PTPRU: variants seen among roughly 807,000 people sequenced by gnomAD.
The protein encoded by PTPRU is protein tyrosine phosphatase receptor type U, also known as receptor-type tyrosine-protein phosphatase U.
In PTPRU, 69 loss-of-function variants were observed where a neutral mutation model predicts 166.3. The observed-to-expected ratio is 0.41, with a 90% CI of 0.34 to 0.51. The LOEUF is 0.51. Ranked by LOEUF, PTPRU falls within the 20% of genes least tolerant of loss-of-function variation. The pLI is 0.09. For synonymous variants in PTPRU, 793 were observed against 814.0 expected, an observed-to-expected ratio of 0.97 and a Z score of 0.44; for missense variants, 1,657 against 2,013.7, an observed-to-expected ratio of 0.82 and a Z score of 3.39.
At chr1:29,273,341 T>C (rs1189321209) in intron 7 of PTPRU, among the ~76,000 whole-genome samples, 1 of 152,150 alleles carries the variant, frequency 6.6e-6, no homozygotes, top group Non-Finnish European at 1.5e-5. Flanking sequence ...CGATCATGGC[T>C]CACTGCAGCC....
rs997439287 is a variant in PTPRU at position 29,238,074 on chromosome 1, G to A, written c.73+1357G>A. Among the ~76,000 whole-genome samples, 9 of 149,000 alleles carry A rather than the reference G, an allele frequency of 6.0e-5. No homozygotes were observed. Among genetic ancestry groups the A allele is most frequent in the Non-Finnish European group, 1.2e-4 (8 of 67,856 alleles). ...CCGGGACCGCCAGGTGTGTGCTTGA[G>A]TGTGAGCGTGAGTGTGAGCGTGTGG... On this transcript the variant is annotated intron_variant, in intron 1 of 29. Transcript: ENST00000373779. The surrounding 1 kb of genome is among the most constrained non-coding windows in gnomAD (Gnocchi z 6.1).
chr1:29,319,870 G>GCAGGT (rs1159933801), intron 25 of PTPRU, among the ~76,000 whole-genome samples: 2 of 152,072 alleles, frequency 1.3e-5, no homozygotes, highest in African/African-American at 2.4e-5. Context: ...GTGGGGCAGG[G>GCAGGT]CAGGTCACCA....
At chr1:29,278,659 A>G (rs1258584834) in intron 8 of PTPRU, among the ~76,000 whole-genome samples, 1 of 152,200 alleles carries the variant, frequency 6.6e-6, no homozygotes, top group Admixed American at 6.5e-5. Context: ...CCATGTGCAT[A>G]TTTTCTGAAA....
chr1:29,312,623 C>G lies in PTPRU; in HGVS notation c.3144C>G (p.Tyr1048Ter). The change falls in exon 22 of 30, where the codon TAC becomes TAG. Residue 1048 changes from tyrosine (Y) to a stop codon, truncating the protein, a stop_gained. Transcript: ENST00000373779. LOFTEE classifies it high-confidence loss of function. ...CGTGGCCAGAGCATGGCGTCCCCTA[C>G]CATGCCACGGGGCTGCTGGCTTTCA... ...FTAWPEHGVP[Y>*]HATGLLAFIR... The G allele has an allele frequency of 6.2e-7, 1 of 1,611,776 alleles. No homozygotes were observed. Among genetic ancestry groups the G allele is most frequent in the Non-Finnish European group, 8.5e-7 (1 of 1,178,334 alleles).
intron 15 of PTPRU, among the ~76,000 whole-genome samples, chr1:29,299,028 A>G (rs1420926794): frequency 6.6e-6 from 1 of 152,200 alleles, no homozygotes; most frequent in African/African-American, 2.4e-5. Context: ...GGGTGCTACC[A>G]CATTGAATAA....
At chr1:29,283,014 C>G in intron 12 of PTPRU, 65 bp downstream of exon 12, 2 of 1,580,708 alleles carry the variant, frequency 1.3e-6, no homozygotes, top group Non-Finnish European at 8.6e-7. Flanking sequence ...ACAGGAGATA[C>G]CTTGGAGCAG....
At chr1:29,251,543 G>T (rs1684546014) in intron 1 of PTPRU, among the ~76,000 whole-genome samples, 3 of 152,196 alleles carry the variant, frequency 2.0e-5, no homozygotes. Context: ...CACCAACTTG[G>T]ATCAGTCTGG....
intron 1 of PTPRU, among the ~76,000 whole-genome samples, chr1:29,240,137 G>A (rs1003671789): frequency 1.3e-5 from 2 of 152,148 alleles, no homozygotes; most frequent in Admixed American, 6.6e-5. Flanking sequence ...GCTTTTTGCT[G>A]GTGAACTCCT....
At chr1:29,268,468 G>C (rs1685398784) in intron 7 of PTPRU, among the ~76,000 whole-genome samples, 1 of 152,170 alleles carries the variant, frequency 6.6e-6, no homozygotes, top group South Asian at 2.1e-4. Flanking sequence ...ACAATGCACA[G>C]ACAGCCACAT....
chr1:29,275,387 C>G, intron 7 of PTPRU, 61 bp from the exon 8 acceptor site: 1 of 1,467,452 alleles, frequency 6.8e-7, no homozygotes, highest in Non-Finnish European at 9.3e-7. Context: ...TCTCCCTGTT[C>G]TTCTTCCTCT....
chr1:29,254,869 C>T (rs12401971), intron 1 of PTPRU, among the ~76,000 whole-genome samples: 14,206 of 152,226 alleles, frequency 0.093, 947 homozygotes, highest in East Asian at 0.35. Flanking sequence ...CTAATGAAGT[C>T]ACTCAGCCTT....
intron 28 of PTPRU, 56 bp downstream of exon 28, chr1:29,323,844 G>A (rs1431332587): frequency 6.3e-7 from 1 of 1,590,056 alleles, no homozygotes; most frequent in South Asian, 1.1e-5. Flanking sequence ...CAGGGGCAGA[G>A]GTCCAGTCTG....
Position 29,310,777 on chromosome 1 carries a change from C to G in PTPRU, c.2854C>G (p.Gln952Glu). 2 of 1,613,946 alleles carry G rather than the reference C, an allele frequency of 1.2e-6. No homozygotes were observed. The highest frequency in any genetic ancestry group is 1.7e-6 in the Non-Finnish European group (2 of 1,179,840). The change falls in exon 19 of 30, where the codon CAA (glutamine) becomes GAA (glutamate). Residue 952 changes from glutamine to glutamate, a missense_variant. By Grantham distance (29) the Gln-to-Glu change is conservative. Around this residue, in one of 3 missense-constraint regions of PTPRU, gnomAD observed 1,190 missense variants for 1,477.4 expected, o/e 0.81. Transcript: ENST00000373779. Reference protein sequence around the residue: ...YHRSNHFIATQGPKPEMVYDF... With the variant: ...YHRSNHFIATEGPKPEMVYDF... ...CAGGTCAAACCACTTCATAGCCACTCAAGGTACCTGGCACTTCTGCCCACA... is the reference window on the plus strand; with the variant it reads ...CAGGTCAAACCACTTCATAGCCACTGAAGGTACCTGGCACTTCTGCCCACA...
chr1:29,283,771 C>T, intron 12 of PTPRU, 169 bp from the exon 13 acceptor site: 1 of 739,920 alleles, frequency 1.4e-6, no homozygotes, highest in Non-Finnish European at 2.3e-6. Flanking sequence ...CCCTCTAGGC[C>T]CCGCTCTCAA....
At position 29,284,075 on chromosome 1, in the gene PTPRU, G is replaced by A; in HGVS notation, c.2179+99G>A. 6 of 1,496,466 alleles carry A rather than the reference G, an allele frequency of 4.0e-6. No homozygotes were observed. The South Asian group carries it at 5.7e-5, about 14-fold the overall frequency. The allele number at this position is 1,496,466 out of a possible 1,614,324, so 92.7% of individuals were successfully genotyped here. ...GAGGACCTACGGCTGTGGGAGTAGA[G>A]GAGGGTGGTTGGGCAGTCCTGGGGC... On this transcript the variant is annotated intron_variant, in intron 13 of 29. Coordinates refer to ENST00000373779, the MANE Select transcript of PTPRU (RefSeq NM_133178.4).
chr1:29,259,220 G>A, intron 3 of PTPRU, 41 bp from the exon 4 acceptor site: 2 of 1,579,526 alleles, frequency 1.3e-6, no homozygotes, highest in Admixed American at 1.7e-5. Context: ...GGCAAGGCTG[G>A]AGGAATATCA....
In PTPRU at chr1:29,237,911, TC is replaced by T. The variant is rs1331218901; in HGVS notation, c.73+1196del. On this transcript the variant is annotated intron_variant, in intron 1 of 29. Coordinates refer to ENST00000373779, the MANE Select transcript of PTPRU (RefSeq NM_133178.4). The surrounding 1 kb of genome is among the most constrained non-coding windows in gnomAD (Gnocchi z 6.4). The stretch of plus-strand genomic sequence containing the variant: ...GCTGTCCCCGGGCTGGGCTGCGACG[TC>T]CGGGCGCGGGCAGGGCCTGGCTCGC... Among the ~76,000 whole-genome samples the T allele has an allele frequency of 6.8e-6, 1 of 148,012 alleles. No individual in the cohort carries two copies. The highest frequency in any genetic ancestry group is 1.5e-5 in the Non-Finnish European group (1 of 66,750).
chr1:29,306,143 C>T (rs933132627), intron 18 of PTPRU, among the ~76,000 whole-genome samples: 6 of 152,194 alleles, frequency 3.9e-5, no homozygotes, highest in African/African-American at 9.7e-5. Flanking sequence ...GGCTGTCCTG[C>T]CCCCTGCTGC....
In PTPRU at chr1:29,326,661, C is replaced by A. The variant is rs1176367915; in HGVS notation, c.*1000C>A. 6.6e-6 allele frequency: 1 copy of A among 152,216 alleles called. No homozygotes were observed. Among genetic ancestry groups the A allele is most frequent in the Non-Finnish European group, 1.5e-5 (1 of 68,092 alleles). 9.4% of individuals were successfully genotyped at this position (152,216 alleles called of 1,614,324 possible). ...GAAGGTCTCTTTAAAATGGGGCAGG[C>A]CACACCCCCATTCCGTGCCTCAATT... On this transcript the variant is annotated 3_prime_UTR_variant, in exon 30 of 30. Coordinates refer to ENST00000373779, the MANE Select transcript of PTPRU (RefSeq NM_133178.4).
Sources: allele counts gnomAD v4.1 joint callset (sites outside exome capture counted in the v4.1 genomes callset), GRCh38; gene constraint gnomAD v4.1.1; regional missense constraint gnomAD v4.1.1; non-coding constraint Gnocchi (gnomAD v3.1); transcripts MANE v1.5; gene names NCBI Gene and HGNC (gene_info 2026-07-23, HGNC 2026-07-21).